OTUD5: variants seen among roughly 807,000 people sequenced by gnomAD.
OTUD5 encodes the protein OTU domain-containing protein 5.
A neutral mutation model predicts 36.3 loss-of-function variants in OTUD5; 2 were observed. The observed-to-expected ratio is 0.06, with a 90% CI of 0.02 to 0.17. OTUD5 has a LOEUF of 0.17. Ranked by LOEUF, OTUD5 falls within the 10% of genes least tolerant of loss-of-function variation. OTUD5 has a pLI of 1.00. For synonymous variants in OTUD5, 234 were observed against 214.9 expected (o/e 1.09, Z -0.78); for missense variants, 233 against 512.3 (o/e 0.45, Z 5.26).
intron 1 of OTUD5, among the ~76,000 whole-genome samples, chrX:48,956,605 T>C (rs189381060): frequency 4.6e-4 from 51 of 111,364 alleles, no homozygotes; most frequent in African/African-American, 1.5e-3. Flanking sequence ...CTTAAGCCAC[T>C]GAACACATAC....
intron 1 of OTUD5, among the ~76,000 whole-genome samples, chrX:48,946,174 T>C (rs1284240369): frequency 1.8e-5 from 2 of 112,183 alleles, no homozygotes; most frequent in Non-Finnish European, 3.8e-5. Context: ...CTGGCAAAGT[T>C]GTAAGCACAA....
At chrX:48,931,030 A>G (rs940177523) in intron 5 of OTUD5, among the ~76,000 whole-genome samples, 10 of 111,650 alleles carry the variant, frequency 9.0e-5, no homozygotes, top group Non-Finnish European at 1.9e-4. Context: ...AGGATGAGTT[A>G]AGGATGAGAC....
chrX:48,945,508 G>A (rs2064011645), intron 1 of OTUD5, among the ~76,000 whole-genome samples: 1 of 109,057 alleles, frequency 9.2e-6, no homozygotes, highest in Non-Finnish European at 1.9e-5. Flanking sequence ...CTGATCTCGT[G>A]ATCCACCCAC....
At position 48,943,152 on chromosome X, in the gene OTUD5, C is replaced by T. The variant is rs190512101; in HGVS notation, c.688+1038G>A. ...AGGTCTTCTGACTCCCAGCTCAAAG[C>T]TCCTATCAGAGGGCACTTTTCCTTG... On this transcript the variant is annotated intron_variant, in intron 2 of 8. Transcript: ENST00000376488. Among the ~76,000 whole-genome samples the T allele has an allele frequency of 5.1e-3, 570 of 111,743 alleles. 4 individuals are homozygous for T. The highest frequency in any genetic ancestry group is 6.6e-3 in the Non-Finnish European group (349 of 53,106).
chrX:48,924,508 CCTCT>C lies in OTUD5; in HGVS notation c.1264-460_1264-457del, dbSNP rs1269793549. Among the ~76,000 whole-genome samples, 10 of 111,759 alleles carry C rather than the reference CCTCT, an allele frequency of 8.9e-5. No individual in the cohort carries two copies. The East Asian group carries it at 1.1e-3, about 13-fold the overall frequency. On this transcript the variant is annotated intron_variant, in intron 6 of 8. Transcript: ENST00000376488. The stretch of plus-strand genomic sequence containing the variant: ...GCTCACAATCCTCCCATGGTTTCTG[CCTCT>C]CTGAGAGTAAATGCCAAAGTCCTCG...
At chrX:48,928,948 G>A (rs1438265753) in intron 5 of OTUD5, among the ~76,000 whole-genome samples, 1 of 110,739 alleles carries the variant, frequency 9.0e-6, no homozygotes, top group Non-Finnish European at 1.9e-5. Context: ...GGAAGGGAGG[G>A]GTAAGCATAT....
intron 2 of OTUD5, 115 bp from the exon 3 acceptor site, chrX:48,935,133 A>AC (rs782587631): frequency 1.1e-5 from 8 of 715,845 alleles, no homozygotes; most frequent in African/African-American, 2.1e-5. Flanking sequence ...TCCCTTTTCT[A>AC]CCCCAAGGCC....
At chrX:48,924,537 G>A (rs1297213097) in intron 6 of OTUD5, among the ~76,000 whole-genome samples, 3 of 111,669 alleles carry the variant, frequency 2.7e-5, no homozygotes, top group Non-Finnish European at 5.7e-5. Context: ...CAAAGTCCTC[G>A]CCACAGCCCA....
intron 6 of OTUD5, among the ~76,000 whole-genome samples, chrX:48,925,500 C>T (rs1327039898): frequency 2.7e-5 from 3 of 111,019 alleles, no homozygotes; most frequent in Non-Finnish European, 5.7e-5. Context: ...TGCCAACAGA[C>T]GAGATCGTTG....
chrX:48,923,619 C>A lies in OTUD5; in HGVS notation c.1579+14G>T, dbSNP rs782609623. 1 of 1,143,478 alleles carries A rather than the reference C, an allele frequency of 8.7e-7. No homozygotes were observed. The highest frequency in any genetic ancestry group is 1.2e-6 in the Non-Finnish European group (1 of 838,253). The allele number at this position is 1,143,478 out of a possible 1,213,427, so 94.2% of individuals were successfully genotyped here. A position where few individuals can be genotyped will look rare whatever the true frequency, so the allele number is the denominator to read the frequency against. On this transcript the variant is annotated intron_variant, in intron 8 of 8. Coordinates refer to ENST00000376488, the MANE Select transcript of OTUD5 (RefSeq NM_001136157.2). ...TCCTAGCAGCCTCCATCCCCCCAGA[C>A]AAAGGAGGCTTACCAAAGGCAGAGG...
chrX:48,932,458 C>T (rs782211123), intron 5 of OTUD5, among the ~76,000 whole-genome samples: 12 of 109,611 alleles, frequency 1.1e-4, no homozygotes, highest in East Asian at 5.8e-4. Flanking sequence ...CCAAGTAGCT[C>T]GGATTACAGG....
intron 6 of OTUD5, among the ~76,000 whole-genome samples, chrX:48,925,381 C>T (rs1348636438): frequency 9.0e-6 from 1 of 110,801 alleles, no homozygotes; most frequent in Non-Finnish European, 1.9e-5. Flanking sequence ...TCTGCCCCGC[C>T]CCTCCCCGCT....
At position 48,941,723 on chromosome X, in the gene OTUD5, C is replaced by T. The variant is rs782729027; in HGVS notation, c.688+2467G>A. 7.4e-4 allele frequency among the ~76,000 whole-genome samples: 83 copies of T among 111,523 alleles called. 1 individual carries two copies. The highest frequency in any genetic ancestry group is 2.5e-3 in the African/African-American group (77 of 30,654). ...TCCACGTTCCTTCCACTATTCAACA[C>T]ATGGCAGGAAGTCAGCCTGTAGGGC... On this transcript the variant is annotated intron_variant, in intron 2 of 8. Transcript: ENST00000376488.
Position 48,957,130 on chromosome X carries a change from C to G in OTUD5, c.441G>C (p.Gly147=). 1 of 1,168,217 alleles carries G rather than the reference C, an allele frequency of 8.6e-7. No homozygotes were observed. Among genetic ancestry groups the G allele is most frequent in the Non-Finnish European group, 1.1e-6 (1 of 878,550 alleles). Residue 147 remains glycine (G), a synonymous_variant, in exon 1 of 9, where the codon GGG becomes GGC. Coordinates refer to ENST00000376488, the MANE Select transcript of OTUD5 (RefSeq NM_001136157.2). Reference sequence around the variant, plus strand: ...GAGCTTGACGTCGCCGCTTGCTGTGCCCAGGCCCGGAGCAGCAGCCGCCCA... The same window carrying G: ...GAGCTTGACGTCGCCGCTTGCTGTGGCCAGGCCCGGAGCAGCAGCCGCCCA... ...VGVGGCCSGP[G]HSKRRRQAPG... is the part of the protein sequence containing the mutation.
In OTUD5 at chrX:48,923,884, C is replaced by G; in HGVS notation, c.1432G>C (p.Ala478Pro). 8.3e-7 allele frequency: 1 copy of G among 1,212,059 alleles called. No individual in the cohort carries two copies. Among genetic ancestry groups the G allele is most frequent in the Non-Finnish European group, 1.1e-6 (1 of 895,511 alleles). Residue 478 changes from alanine (A) to proline (P), a missense_variant, in exon 7 of 9, where the codon GCT becomes CCT. Physicochemically the swap from Ala to Pro is conservative, Grantham distance 27. Coordinates refer to ENST00000376488, the MANE Select transcript of OTUD5 (RefSeq NM_001136157.2). ...CAGGGCGAAGGAGGTTTGGCAAGAG[C>G]TAAAACAGTGCCTGGGGAAGGGGGC... Reference protein sequence around the residue: ...MKPPSPGTVLALAKPPSPCAP... With the variant: ...MKPPSPGTVLPLAKPPSPCAP...
chrX:48,931,605 C>T (rs1212671051), intron 5 of OTUD5, among the ~76,000 whole-genome samples: 3 of 106,939 alleles, frequency 2.8e-5, no homozygotes, highest in African/African-American at 1.0e-4. Flanking sequence ...ATGGTGAAAC[C>T]CCGTCTCTAC....
At chrX:48,958,357 C>T (rs781847536), upstream of OTUD5, 1 of 112,688 alleles carries the variant, frequency 8.9e-6, no homozygotes, top group East Asian at 2.8e-4. Flanking sequence ...TCAACACTCC[C>T]GGGAGCATAG....
intron 5 of OTUD5, among the ~76,000 whole-genome samples, chrX:48,930,877 G>A (rs1602380374): frequency 9.1e-6 from 1 of 109,553 alleles, no homozygotes. Flanking sequence ...CAGGAGAATC[G>A]CTTGAACCTG....
In OTUD5 at chrX:48,923,040, G is replaced by C. The variant is rs1557046650; in HGVS notation, c.*134C>G. 21 of 1,152,259 alleles carry C rather than the reference G, an allele frequency of 1.8e-5. No individual in the cohort carries two copies. The highest frequency in any genetic ancestry group is 2.2e-5 in the Non-Finnish European group (19 of 866,389). 95.0% of individuals were successfully genotyped at this position (1,152,259 alleles called of 1,213,427 possible). ...GCAGGGGTGGGCTAGCCAGAGGGAA[G>C]TGAGGAGGAGGGAAAAGAGGGGAGA... is the stretch of plus-strand genomic sequence containing the variant. On this transcript the variant is annotated 3_prime_UTR_variant, in exon 9 of 9. Coordinates refer to ENST00000376488, the MANE Select transcript of OTUD5 (RefSeq NM_001136157.2).
Sources: gnomAD v4.1 joint callset for allele counts (sites outside exome capture counted in the v4.1 genomes callset) on GRCh38, gnomAD v4.1.1 for gene constraint, MANE v1.5 for transcripts, NCBI Gene and HGNC (gene_info 2026-07-23, HGNC 2026-07-21) for gene names.